SLCO4C1: variants seen among roughly 807,000 people sequenced by gnomAD.
The protein encoded by SLCO4C1 is solute carrier organic anion transporter family member 4C1, also known as organic anion transporter M1.
SLCO4C1 carries 58 observed loss-of-function variants against 72.1 expected under a neutral mutation model. That is an observed-to-expected ratio of 0.80 (90% CI 0.65 to 1.00). The LOEUF (loss-of-function observed/expected upper bound fraction) is 1.00, where lower values mean the gene tolerates loss of function less well. Among genes scored for constraint, SLCO4C1 ranks in the 50% least tolerant of loss-of-function variants. SLCO4C1 has a pLI of 0.00. For missense variants in SLCO4C1, 898 were observed against 857.9 expected (o/e 1.05, Z -0.58); for synonymous variants, 297 against 312.5 (o/e 0.95, Z 0.52).
chr5:102,247,894 T>C (rs1459846749), intron 9 of SLCO4C1, among the ~76,000 whole-genome samples: 2 of 151,120 alleles, frequency 1.3e-5, no homozygotes, highest in Non-Finnish European at 2.9e-5. Context: ...AAGCAGTGCT[T>C]TCATTGTTCC....
At position 102,291,121 on chromosome 5, in the gene SLCO4C1, G is replaced by A. The variant is rs115132032; in HGVS notation, c.619+222C>T. Among the ~76,000 whole-genome samples, 1,228 of 152,268 alleles carry A rather than the reference G, an allele frequency of 8.1e-3. 12 individuals are homozygous for A. Among genetic ancestry groups the A allele is most frequent in the Non-Finnish European group, 0.015 (997 of 68,016 alleles). ...GGACTGTGTATAATATGGGGAATAA[G>A]AATTAGAGGCTTAAAAACTTGGAGA... On this transcript the variant is annotated intron_variant, in intron 2 of 12. Transcript: ENST00000310954.
chr5:102,248,359 A>T (rs954896047), intron 9 of SLCO4C1, among the ~76,000 whole-genome samples: 3 of 152,182 alleles, frequency 2.0e-5, no homozygotes, highest in African/African-American at 7.2e-5. Flanking sequence ...ACAAATAGAA[A>T]ATTTGCAAGT....
intron 2 of SLCO4C1, among the ~76,000 whole-genome samples, chr5:102,284,156 C>T (rs1321194410): frequency 6.6e-6 from 1 of 151,508 alleles, no homozygotes; most frequent in African/African-American, 2.4e-5. Flanking sequence ...TTAAATGTTA[C>T]CCTATTTTTT....
rs1361486688 is a variant in SLCO4C1, at chr5:102,240,704, GA to G, written c.1876+13del. The G allele has an allele frequency of 1.2e-6, 2 of 1,604,580 alleles. No homozygotes were observed. The highest frequency in any genetic ancestry group is 1.7e-6 in the Non-Finnish European group (2 of 1,174,352). On this transcript the variant is annotated intron_variant, in intron 11 of 12. Coordinates refer to ENST00000310954, the MANE Select transcript of SLCO4C1 (RefSeq NM_180991.5). ...TAGCCAACAGTTAGCAATGAATAAA[GA>G]AAAATGGCATACCTAATAATCGAAG...
intron 12 of SLCO4C1, 49 bp downstream of exon 12, chr5:102,239,202 T>A: frequency 6.8e-7 from 1 of 1,476,788 alleles, no homozygotes; most frequent in Non-Finnish European, 9.0e-7. Context: ...GATTTTTTTT[T>A]TTTTACATCC....
chr5:102,292,706 T>C (rs1178107845), intron 1 of SLCO4C1, among the ~76,000 whole-genome samples: 1 of 152,124 alleles, frequency 6.6e-6, no homozygotes, highest in Non-Finnish European at 1.5e-5. Flanking sequence ...AGACTGAAAA[T>C]CTGAAAATTT....
rs142401984 is a variant in SLCO4C1, at chr5:102,242,646, G to A, written c.1812-1864C>T. 2.1e-3 allele frequency among the ~76,000 whole-genome samples: 312 copies of A among 152,064 alleles called. 2 individuals are homozygous for A. Among genetic ancestry groups the A allele is most frequent in the African/African-American group, 7.1e-3 (293 of 41,414 alleles). ...AAGGAAATACACCAGTCCTGACAGC[G>A]TTCATATACTTTTAAGTCATGAAGA... On this transcript the variant is annotated intron_variant, in intron 10 of 12. Coordinates refer to ENST00000310954, the MANE Select transcript of SLCO4C1 (RefSeq NM_180991.5).
intron 1 of SLCO4C1, among the ~76,000 whole-genome samples, chr5:102,294,146 TG>T (rs1369702680): frequency 7.2e-5 from 11 of 152,112 alleles, no homozygotes; most frequent in Admixed American, 7.2e-4. Context: ...TGACCTCAGT[TG>T]ATCTGCCTGC....
intron 2 of SLCO4C1, among the ~76,000 whole-genome samples, chr5:102,272,948 AAAAG>A (rs376676176): frequency 2.0e-5 from 3 of 151,722 alleles, no homozygotes; most frequent in African/African-American, 4.9e-5. Context: ...TCATCTCAAA[AAAAG>A]AAAGAAAGAA....
intron 2 of SLCO4C1, among the ~76,000 whole-genome samples, chr5:102,288,897 T>C (rs1749502615): frequency 6.6e-6 from 1 of 152,212 alleles, no homozygotes; most frequent in South Asian, 2.1e-4. Flanking sequence ...ATTATCTTGT[T>C]CATTTGTTTA....
At chr5:102,295,273 C>G (rs1749627470) in intron 1 of SLCO4C1, among the ~76,000 whole-genome samples, 1 of 152,200 alleles carries the variant, frequency 6.6e-6, no homozygotes, top group African/African-American at 2.4e-5. Flanking sequence ...TAGAACAAAA[C>G]AGATGCTGGA....
chr5:102,293,192 C>A lies in SLCO4C1; in HGVS notation c.356-1586G>T, dbSNP rs1749587279. On this transcript the variant is annotated intron_variant, in intron 1 of 12. Coordinates refer to ENST00000310954, the MANE Select transcript of SLCO4C1 (RefSeq NM_180991.5). ...TTCTTAGGATTTCAAAATAAAGTAC[C>A]TAAAGTATCTTAGGATGACATTTTT... 2.0e-5 allele frequency among the ~76,000 whole-genome samples: 3 copies of A among 151,948 alleles called. No homozygotes were observed. In the South Asian group the frequency reaches 6.2e-4, roughly 31 times the overall value.
At chr5:102,244,262 C>A (rs979125882) in intron 10 of SLCO4C1, among the ~76,000 whole-genome samples, 2 of 152,064 alleles carry the variant, frequency 1.3e-5, no homozygotes, top group Non-Finnish European at 2.9e-5. Flanking sequence ...GCATCAGAGT[C>A]CTTTAGTAGC....
chr5:102,264,633 C>A (rs1221751591), intron 3 of SLCO4C1, among the ~76,000 whole-genome samples: 2 of 150,408 alleles, frequency 1.3e-5, no homozygotes, highest in African/African-American at 5.0e-5. Flanking sequence ...TGGGAACATT[C>A]AACATCCCCT....
chr5:102,239,175 T>C (rs972242149), intron 12 of SLCO4C1, 76 bp downstream of exon 12: 36 of 1,361,728 alleles, frequency 2.6e-5, no homozygotes, highest in Middle Eastern at 4.3e-4. Context: ...CCTGTGACCC[T>C]AAGTAACCAA....
chr5:102,256,037 G>A (rs987679876), intron 8 of SLCO4C1, among the ~76,000 whole-genome samples: 1 of 151,790 alleles, frequency 6.6e-6, no homozygotes, highest in East Asian at 1.9e-4. Flanking sequence ...GAAACCCCAC[G>A]TCTACTAAAA....
At chr5:102,265,301 G>C (rs1347593439) in intron 3 of SLCO4C1, among the ~76,000 whole-genome samples, 2 of 152,104 alleles carry the variant, frequency 1.3e-5, no homozygotes, top group Non-Finnish European at 2.9e-5. Context: ...TTCGTGTGCT[G>C]TGCAGCAACT....
chr5:102,271,468 T>C (rs1749151624), intron 2 of SLCO4C1, among the ~76,000 whole-genome samples: 2 of 151,678 alleles, frequency 1.3e-5, no homozygotes, highest in South Asian at 2.1e-4. Context: ...GTGAAACTGC[T>C]AGGTCAAAGT....
At chr5:102,237,082 G>T in intron 12 of SLCO4C1, 64 bp from the exon 13 acceptor site, 1 of 1,424,316 alleles carries the variant, frequency 7.0e-7, no homozygotes, top group Non-Finnish European at 9.3e-7. Flanking sequence ...TTATCACTGA[G>T]AAAAATCTTC....
Sources: gnomAD v4.1 joint callset for allele counts (sites outside exome capture counted in the v4.1 genomes callset) on GRCh38, gnomAD v4.1.1 for gene constraint, MANE v1.5 for transcripts, NCBI Gene and HGNC (gene_info 2026-07-23, HGNC 2026-07-21) for gene names.